The following GRIK4 variants were observed in gnomAD, a reference collection of about 807,000 sequenced individuals.
GRIK4 encodes glutamate ionotropic receptor kainate type subunit 4.
GRIK4 carries 40 observed loss-of-function variants against 104.9 expected under a neutral mutation model. The ratio of observed to expected loss-of-function variants is 0.38; its 90% CI spans 0.30 to 0.50. The LOEUF is 0.50. Ranked by LOEUF, GRIK4 falls within the 20% of genes least tolerant of loss-of-function variation. The pLI is 0.93. For synonymous variants in GRIK4, 485 were observed against 524.9 expected, an observed-to-expected ratio of 0.92 and a Z score of 1.04; for missense variants, 1,047 against 1,308.1, an observed-to-expected ratio of 0.80 and a Z score of 3.08.
At chr11:120,835,755 C>A (rs2135572457) in intron 7 of GRIK4, among the ~76,000 whole-genome samples, 1 of 152,188 alleles carries the variant, frequency 6.6e-6, no homozygotes, top group South Asian at 2.1e-4. Flanking sequence ...GAGAACGGGG[C>A]TCATTATTTT....
intron 3 of GRIK4, among the ~76,000 whole-genome samples, chr11:120,718,245 C>T (rs559731066): frequency 5.9e-5 from 9 of 152,192 alleles, no homozygotes; most frequent in African/African-American, 1.9e-4. Flanking sequence ...TCAGGGACCT[C>T]CCAGCCACTC....
chr11:120,727,101 G>A (rs747614682), intron 3 of GRIK4, among the ~76,000 whole-genome samples: 1 of 152,138 alleles, frequency 6.6e-6, no homozygotes, highest in South Asian at 2.1e-4. Flanking sequence ...AAAATGTGAT[G>A]GGCCAATTTG....
At chr11:120,760,289 G>T (rs562916514) in intron 3 of GRIK4, among the ~76,000 whole-genome samples, 20 of 150,266 alleles carry the variant, frequency 1.3e-4, no homozygotes, top group Non-Finnish European at 2.5e-4. Context: ...TGTTCTCTAG[G>T]TCCGTCCATG....
At chr11:120,664,604 T>C (rs1949874524) in intron 3 of GRIK4, among the ~76,000 whole-genome samples, 1 of 152,220 alleles carries the variant, frequency 6.6e-6, no homozygotes, top group Non-Finnish European at 1.5e-5. Context: ...TCCAAAGCTG[T>C]CTCTTCCTGC....
chr11:120,770,413 T>C (rs1443096225), intron 3 of GRIK4, among the ~76,000 whole-genome samples: 1 of 152,320 alleles, frequency 6.6e-6, no homozygotes, highest in East Asian at 1.9e-4. Flanking sequence ...CGTTACCTCT[T>C]TTAGTGGCAA....
intron 1 of GRIK4, among the ~76,000 whole-genome samples, chr11:120,637,011 G>T (rs1421812123): frequency 6.6e-6 from 1 of 152,136 alleles, no homozygotes; most frequent in African/African-American, 2.4e-5. Context: ...TGCCTGCTTC[G>T]GGTCTCTGAG....
intron 3 of GRIK4, among the ~76,000 whole-genome samples, chr11:120,697,731 T>G (rs1031349224): frequency 6.6e-6 from 1 of 152,204 alleles, no homozygotes; most frequent in South Asian, 2.1e-4. Context: ...TATGAAGGCA[T>G]GATCCGGGTG....
chr11:120,839,136 T>C (rs1281631908), intron 8 of GRIK4, among the ~76,000 whole-genome samples: 2 of 152,188 alleles, frequency 1.3e-5, no homozygotes, highest in African/African-American at 4.8e-5. Context: ...CAGAGGGTAA[T>C]GAGTTGTCTT....
intron 7 of GRIK4, among the ~76,000 whole-genome samples, chr11:120,836,345 G>A (rs1953574463): frequency 6.6e-6 from 1 of 152,208 alleles, no homozygotes; most frequent in Admixed American, 6.5e-5. Flanking sequence ...ACCTCATAGA[G>A]TTATCCCATG....
At chr11:120,787,943 G>A (rs927291265) in intron 3 of GRIK4, among the ~76,000 whole-genome samples, 2 of 127,234 alleles carry the variant, frequency 1.6e-5, no homozygotes, top group African/African-American at 6.1e-5. Context: ...GCTCACAGCA[G>A]CAACCTCCGC....
rs757609162 is a variant in GRIK4 at position 120,960,977 on chromosome 11, G to C, written c.1943G>C (p.Arg648Pro). 1 of 1,613,968 alleles carries C rather than the reference G, an allele frequency of 6.2e-7. No homozygotes were observed. Among genetic ancestry groups the C allele is most frequent in the African/African-American group, 1.3e-5 (1 of 75,028 alleles). ...ANLAAFLTVQ[R>P]MDVPIESVDD... ...CTGGCAGCCTTCCTGACCGTGCAGCGCATGGATGTGCCCATTGAGTCAGTG... is the reference window on the plus strand; with the variant it reads ...CTGGCAGCCTTCCTGACCGTGCAGCCCATGGATGTGCCCATTGAGTCAGTG... The change falls in exon 17 of 21, where the codon CGC becomes CCC. Residue 648 changes from arginine (R) to proline (P), a missense_variant. Arg to Pro is a moderately radical substitution (Grantham distance 103, BLOSUM62 -2). Around this residue, in one of 3 missense-constraint regions of GRIK4, gnomAD observed 440 missense variants for 652.3 expected, o/e 0.67. Coordinates refer to ENST00000527524, the MANE Select transcript of GRIK4 (RefSeq NM_014619.5).
At chr11:120,597,249 G>C (rs1948815350) in intron 1 of GRIK4, among the ~76,000 whole-genome samples, 1 of 152,218 alleles carries the variant, frequency 6.6e-6, no homozygotes, top group Non-Finnish European at 1.5e-5. Flanking sequence ...GTTCCAATCT[G>C]GTTCTGCTCC....
At chr11:120,702,500 A>C (rs1950569203) in intron 3 of GRIK4, among the ~76,000 whole-genome samples, 1 of 152,220 alleles carries the variant, frequency 6.6e-6, no homozygotes, top group Non-Finnish European at 1.5e-5. Context: ...TTGTACTTAA[A>C]GCCACGAGAC....
In GRIK4 at chr11:120,775,474, A is replaced by G. The variant is rs79544013; in HGVS notation, c.83-27219A>G. ...CCTACCTCTCAGACCTTACAGGGCTATCTTAGGATCTAACATGTTCATGAA... is the reference window on the plus strand; with the variant it reads ...CCTACCTCTCAGACCTTACAGGGCTGTCTTAGGATCTAACATGTTCATGAA... On this transcript the variant is annotated intron_variant, in intron 3 of 20. Transcript: ENST00000527524. Among the ~76,000 whole-genome samples the G allele has an allele frequency of 5.8e-3, 888 of 152,350 alleles. 10 individuals carry two copies. The highest frequency in any genetic ancestry group is 0.02 in the African/African-American group (823 of 41,576).
At chr11:120,568,199 C>A (rs973339398) in intron 1 of GRIK4, among the ~76,000 whole-genome samples, 1 of 152,024 alleles carries the variant, frequency 6.6e-6, no homozygotes, top group African/African-American at 2.4e-5. Context: ...AACAAACAAA[C>A]AAAACAAACA....
intron 19 of GRIK4, among the ~76,000 whole-genome samples, chr11:120,979,879 C>T (rs1297696705): frequency 2.0e-5 from 3 of 152,186 alleles, no homozygotes; most frequent in Non-Finnish European, 4.4e-5. Context: ...GTTGCCCAGG[C>T]TGGAGTGCTG....
intron 9 of GRIK4, 37 bp downstream of exon 9, chr11:120,862,157 G>C (rs1165189488): frequency 1.9e-6 from 3 of 1,589,142 alleles, no homozygotes; most frequent in Non-Finnish European, 2.6e-6. Flanking sequence ...GTGCCCCTTG[G>C]CCTCTGCACA....
chr11:120,656,032 G>A (rs924711434), intron 2 of GRIK4, among the ~76,000 whole-genome samples: 3 of 152,194 alleles, frequency 2.0e-5, no homozygotes, highest in African/African-American at 7.2e-5. Flanking sequence ...AACCCCCCAT[G>A]GAGGGTAATG....
chr11:120,889,300 AT>A (rs1955206159), intron 11 of GRIK4, among the ~76,000 whole-genome samples: 1 of 152,190 alleles, frequency 6.6e-6, no homozygotes, highest in Non-Finnish European at 1.5e-5. Context: ...ATACAGATCT[AT>A]ATAATATAAG....
Sources: gnomAD v4.1 joint callset for allele counts (sites outside exome capture counted in the v4.1 genomes callset) on GRCh38, gnomAD v4.1.1 for gene constraint, gnomAD v4.1.1 regional missense constraint, MANE v1.5 for transcripts, NCBI Gene and HGNC (gene_info 2026-07-23, HGNC 2026-07-21) for gene names.